MYOM1: variants seen among roughly 807,000 people sequenced by gnomAD.
The protein encoded by MYOM1 is myomesin-1.
A neutral mutation model predicts 205.3 loss-of-function variants in MYOM1; 164 were observed. That is an observed-to-expected ratio of 0.80 (90% CI 0.70 to 0.91). MYOM1 has a LOEUF of 0.91. Ranked by LOEUF, MYOM1 falls within the 40% of genes least tolerant of loss-of-function variation. MYOM1 has a pLI of 0.00. For missense variants in MYOM1, 2,011 were observed against 2,127.3 expected (o/e 0.95, Z 1.08); for synonymous variants, 772 against 789.4 (o/e 0.98, Z 0.37).
At chr18:3,120,097 C>CTT in intron 19 of MYOM1, 102 bp from the exon 20 acceptor site, 1 of 1,433,756 alleles carries the variant, frequency 7.0e-7, no homozygotes, top group Non-Finnish European at 9.2e-7. Context: ...TCAGACACAC[C>CTT]CTAGGGTGAC....
At position 3,116,388 on chromosome 18, in the gene MYOM1, G is replaced by C; in HGVS notation, c.3246C>G (p.Ala1082=). The C allele has an allele frequency of 6.2e-7, 1 of 1,613,410 alleles. No individual in the cohort carries two copies. The highest frequency in any genetic ancestry group is 8.5e-7 in the Non-Finnish European group (1 of 1,179,786). ...GYFVDLKEAK[A]KEDQWRGLNE... Reference sequence around the variant, plus strand: ...TGAGCCCTCGCCACTGGTCTTCTTTGGCCTTGGCCTCCTTCAAGTCCACGA... The same window carrying C: ...TGAGCCCTCGCCACTGGTCTTCTTTCGCCTTGGCCTCCTTCAAGTCCACGA... Residue 1082 remains alanine (A), a synonymous_variant, in exon 21 of 38, where the codon GCC becomes GCG. Transcript: ENST00000356443.
At chr18:3,169,049 G>T in intron 8 of MYOM1, 68 bp from the exon 9 acceptor site, 2 of 1,402,910 alleles carry the variant, frequency 1.4e-6, no homozygotes, top group Non-Finnish European at 1.9e-6. Flanking sequence ...ATTTTAATAA[G>T]CACAGGCAGA....
intron 10 of MYOM1, among the ~76,000 whole-genome samples, chr18:3,157,729 T>C (rs868009949): frequency 7.1e-5 from 10 of 140,226 alleles, no homozygotes; most frequent in African/African-American, 2.2e-4. Flanking sequence ...TAATAATCCT[T>C]CTTTTTCTCA....
intron 8 of MYOM1, among the ~76,000 whole-genome samples, chr18:3,169,446 A>C (rs546940329): frequency 6.6e-6 from 1 of 152,332 alleles, no homozygotes; most frequent in African/African-American, 2.4e-5. Context: ...TAAGAAGCTC[A>C]AAGTACTCAA....
intron 25 of MYOM1, among the ~76,000 whole-genome samples, chr18:3,094,815 C>G (rs1184614541): frequency 6.6e-6 from 1 of 151,918 alleles, no homozygotes; most frequent in Non-Finnish European, 1.5e-5. Context: ...TCACGCACCA[C>G]CACATTCGGC....
chr18:3,116,289 A>G (rs772538073), intron 21 of MYOM1, 42 bp downstream of exon 21: 1 of 1,581,786 alleles, frequency 6.3e-7, no homozygotes, highest in East Asian at 2.3e-5. Flanking sequence ...GTATTAGTAG[A>G]GCAGTTAGTA....
rs1244552350 is a variant in MYOM1 at position 3,102,168 on chromosome 18, A to AT, written c.3575+305dup. On this transcript the variant is annotated intron_variant, in intron 23 of 37. Coordinates refer to ENST00000356443, the MANE Select transcript of MYOM1 (RefSeq NM_003803.4). Reference sequence around the variant, plus strand: ...AGGCACCCACCACCACACCCGGCTAATTTTTTTTTGTATTTTTAGCAGAGA... The same window carrying AT: ...AGGCACCCACCACCACACCCGGCTAATTTTTTTTTTGTATTTTTAGCAGAGA... 3.9e-3 allele frequency among the ~76,000 whole-genome samples: 581 copies of AT among 150,068 alleles called. 4 individuals are homozygous for AT. The highest frequency in any genetic ancestry group is 7.4e-3 in the African/African-American group (302 of 40,932).
chr18:3,158,756 G>A (rs1280341957), intron 10 of MYOM1, among the ~76,000 whole-genome samples: 1 of 151,994 alleles, frequency 6.6e-6, no homozygotes, highest in East Asian at 1.9e-4. Context: ...TAGGATTATA[G>A]GTATACTCCA....
the MYOM1 span, among the ~76,000 whole-genome samples, chr18:3,225,004 T>C: frequency 2.6e-5 from 4 of 151,202 alleles, no homozygotes; most frequent in Non-Finnish European, 5.9e-5. Context: ...TTATTTTATT[T>C]TGAGACGGAG....
chr18:3,198,027 C>T (rs751026301), intron 2 of MYOM1, among the ~76,000 whole-genome samples: 2 of 151,946 alleles, frequency 1.3e-5, no homozygotes, highest in Non-Finnish European at 2.9e-5. Flanking sequence ...ATTTATTCAC[C>T]TAAATTGAAG....
In MYOM1 at chr18:3,174,228, T is replaced by C. The variant is rs764420000; in HGVS notation, c.1023-20A>G. 1.2e-6 allele frequency: 2 copies of C among 1,600,282 alleles called. No homozygotes were observed. The highest frequency in any genetic ancestry group is 1.3e-5 in the African/African-American group (1 of 74,536). Reference sequence around the variant, plus strand: ...TCACATCTGAAAGAACAGACGGAAATGAATATCCATCGTAGTGACAATCCT... The same window carrying C: ...TCACATCTGAAAGAACAGACGGAAACGAATATCCATCGTAGTGACAATCCT... On this transcript the variant is annotated intron_variant, in intron 6 of 37. Coordinates refer to ENST00000356443, the MANE Select transcript of MYOM1 (RefSeq NM_003803.4).
chr18:3,247,249 G>A, the MYOM1 span: 1 of 152,370 alleles, frequency 6.6e-6, no homozygotes, highest in East Asian at 1.9e-4. Flanking sequence ...TGGAGGGGGC[G>A]GGACTCTTAA....
intron 22 of MYOM1, among the ~76,000 whole-genome samples, chr18:3,108,113 C>T (rs1598677213): frequency 6.6e-6 from 1 of 152,156 alleles, no homozygotes; most frequent in African/African-American, 2.4e-5. Flanking sequence ...TTCTAAGTCA[C>T]TCTTAAAAAA....
intron 10 of MYOM1, among the ~76,000 whole-genome samples, chr18:3,157,787 G>A (rs1196005824): frequency 6.6e-6 from 1 of 151,406 alleles, no homozygotes. Flanking sequence ...GGGATGACAA[G>A]AGGCAGCTGT....
intron 3 of MYOM1, among the ~76,000 whole-genome samples, chr18:3,192,635 C>T (rs1480536238): frequency 6.6e-6 from 1 of 152,210 alleles, no homozygotes; most frequent in Non-Finnish European, 1.5e-5. Context: ...GAATAACTCT[C>T]TGTTCAAAGA....
chr18:3,108,771 C>T (rs2143787873), intron 22 of MYOM1, among the ~76,000 whole-genome samples: 1 of 152,092 alleles, frequency 6.6e-6, no homozygotes, highest in South Asian at 2.1e-4. Flanking sequence ...GAACTCCTGA[C>T]CTTGTGATCC....
At chr18:3,223,161 G>A (rs1467229490), upstream of MYOM1, among the ~76,000 whole-genome samples, 2 of 152,176 alleles carry the variant, frequency 1.3e-5, no homozygotes, top group African/African-American at 4.8e-5. Context: ...GATTACAGGT[G>A]TGAGCCACCA....
At chr18:3,147,335 C>G (rs1465598591) in intron 13 of MYOM1, among the ~76,000 whole-genome samples, 1 of 151,522 alleles carries the variant, frequency 6.6e-6, no homozygotes, top group East Asian at 1.9e-4. Context: ...TGTGCAGGAC[C>G]TGCTCACTAA....
chr18:3,129,291 T>C lies in MYOM1; in HGVS notation c.2735A>G (p.Gln912Arg), dbSNP rs760532062. The C allele has an allele frequency of 1.9e-6, 3 of 1,613,922 alleles. No homozygotes were observed. Among genetic ancestry groups the C allele is most frequent in the Admixed American group, 1.7e-5 (1 of 60,010 alleles). ...TVQEELTPPP[Q>R]KAAPQGKSKS... ...ACTTTTCCCCTGAGGAGCCGCTTTC[T>C]GTGGTGGCGGGGTAAGCTCTTCCTG... Residue 912 changes from glutamine (Q) to arginine (R), a missense_variant, in exon 18 of 38, where the codon CAG (glutamine) becomes CGG (arginine). Coordinates refer to ENST00000356443, the MANE Select transcript of MYOM1 (RefSeq NM_003803.4).
Sources: allele counts gnomAD v4.1 joint callset (sites outside exome capture counted in the v4.1 genomes callset), GRCh38; gene constraint gnomAD v4.1.1; transcripts MANE v1.5; gene names NCBI Gene and HGNC (gene_info 2026-07-23, HGNC 2026-07-21).